The following SHF variants were observed in gnomAD, a reference collection of about 807,000 sequenced individuals.
The protein encoded by SHF is SH2 domain-containing adapter protein F.
SHF carries 30 observed loss-of-function variants against 42.4 expected under a neutral mutation model. The observed-to-expected ratio is 0.71, with a 90% CI of 0.53 to 0.96. SHF has a LOEUF of 0.96. Ranked by LOEUF, SHF falls within the 40% of genes least tolerant of loss-of-function variation. The probability of loss-of-function intolerance (pLI) is 0.00; values close to 1 mark genes in which losing one functional copy is unlikely to be tolerated. For synonymous variants in SHF, 264 were observed against 269.9 expected (o/e 0.98, Z 0.21); for missense variants, 598 against 634.0 (o/e 0.94, Z 0.61).
Position 45,187,559 on chromosome 15 carries a change from C to G in SHF, c.393G>C (p.Pro131=). 8.1e-7 allele frequency: 1 copy of G among 1,227,940 alleles called. No individual in the cohort carries two copies. Among genetic ancestry groups the G allele is most frequent in the Non-Finnish European group, 1.0e-6 (1 of 984,654 alleles). The allele number at this position is 1,227,940 out of a possible 1,614,324, so 76.1% of individuals were successfully genotyped here. A position where few individuals can be genotyped will look rare whatever the true frequency, so the allele number is the denominator to read the frequency against. ...GGCGGTGTGGGGGAGAGCCGTGGCG[C>G]GGGGGCGGCGTGGGTCCGGGGGCGA... ...TPVAPGPTPP[P]RHGSPPHRLI... Residue 131 remains proline (P), a synonymous_variant, in exon 1 of 7, where the codon CCG becomes CCC. Coordinates refer to ENST00000690270, the MANE Select transcript of SHF (RefSeq NM_001394037.1).
intron 2 of SHF, among the ~76,000 whole-genome samples, chr15:45,175,649 T>TA (rs909632019): frequency 6.6e-6 from 1 of 151,894 alleles, no homozygotes; most frequent in African/African-American, 2.4e-5. Flanking sequence ...GGCACTAGAG[T>TA]AAAAGACAGG....
chr15:45,168,259 TG>T (rs1897313654), intron 6 of SHF, 126 bp from the exon 7 acceptor site: 2 of 920,048 alleles, frequency 2.2e-6, no homozygotes, highest in Admixed American at 3.0e-5. Context: ...GAATGACAGG[TG>T]ATTAGGGGAG....
At chr15:45,173,441 C>T in intron 4 of SHF, 135 bp downstream of exon 4, 1 of 1,338,212 alleles carries the variant, frequency 7.5e-7, no homozygotes, top group Non-Finnish European at 9.7e-7. Flanking sequence ...TGCATTTTGT[C>T]TCTTCCTTCT....
chr15:45,178,878 T>C (rs893648289), intron 1 of SHF, among the ~76,000 whole-genome samples: 2 of 152,204 alleles, frequency 1.3e-5, no homozygotes, highest in African/African-American at 4.8e-5. Flanking sequence ...CTAGGCCATC[T>C]CCTAGGCTAA....
chr15:45,177,689 C>T lies in SHF; in HGVS notation c.640+476G>A, dbSNP rs111672251. ...ATCTCCCCTATTTGATCTCTTTCCC[C>T]TGGACTGTCTCTCAGCCTCTGTTCC... On this transcript the variant is annotated intron_variant, in intron 2 of 6. Transcript: ENST00000690270. Among the ~76,000 whole-genome samples, 638 of 152,298 alleles carry T rather than the reference C, an allele frequency of 4.2e-3. 2 individuals carry two copies. Among genetic ancestry groups the T allele is most frequent in the African/African-American group, 0.015 (609 of 41,554 alleles).
At chr15:45,189,305 G>C (rs1343076179), upstream of SHF, among the ~76,000 whole-genome samples, 1 of 151,572 alleles carries the variant, frequency 6.6e-6, no homozygotes, top group African/African-American at 2.4e-5. Flanking sequence ...GGCTCTGCTG[G>C]GAAAGCAGCT....
rs760000872 is a variant in SHF at position 45,171,892 on chromosome 15, A to T, written c.1271T>A (p.Leu424His). The T allele has an allele frequency of 6.2e-7, 1 of 1,612,898 alleles. No homozygotes were observed. The highest frequency in any genetic ancestry group is 8.5e-7 in the Non-Finnish European group (1 of 1,179,606). The change falls in exon 6 of 7, where the codon CTC becomes CAC. Residue 424 changes from leucine (L) to histidine (H), a missense_variant. Around this residue, in one of 2 missense-constraint regions of SHF, gnomAD observed 439 missense variants for 524.6 expected, o/e 0.84. Coordinates refer to ENST00000690270, the MANE Select transcript of SHF (RefSeq NM_001394037.1). ...AACTGTCCCCACTCACTTGAGGGAG[A>T]GGGAGAAGTCATTCTTGCTGGTCTC... ...NSETSKNDFS[L>H]SLKSSQGFMH... is the part of the protein sequence containing the mutation.
intron 1 of SHF, among the ~76,000 whole-genome samples, chr15:45,179,566 C>T (rs1336767644): frequency 2.6e-5 from 4 of 152,242 alleles, no homozygotes; most frequent in African/African-American, 9.6e-5. Flanking sequence ...AAGAGGCACT[C>T]AAGGTGCTCA....
At chr15:45,198,149 C>T (rs1161577508) in intron 2 of SHF, among the ~76,000 whole-genome samples, 1 of 151,992 alleles carries the variant, frequency 6.6e-6, no homozygotes, top group Non-Finnish European at 1.5e-5. Flanking sequence ...TGGTGCACGC[C>T]TGTAGTACCA....
At chr15:45,185,506 C>G (rs1423299402) in intron 1 of SHF, among the ~76,000 whole-genome samples, 1 of 152,232 alleles carries the variant, frequency 6.6e-6, no homozygotes, top group African/African-American at 2.4e-5. Flanking sequence ...GATAGCATCC[C>G]TGCCCCGGGC....
In SHF at chr15:45,172,274, C is replaced by T; in HGVS notation, c.1033G>A (p.Glu345Lys). ...CGGGGAGGTAGCCGCCCCTTCTCCT[C>T]CCGGCCAGGTGACAGGCAGCTCTTC... Reference protein sequence around the residue: ...PEKSCLSPGREEKGRLPPRLS... With the variant: ...PEKSCLSPGRKEKGRLPPRLS... Residue 345 changes from glutamate (E) to lysine (K), a missense_variant, in exon 5 of 7, where the codon GAG becomes AAG. Transcript: ENST00000690270. 1 of 1,612,460 alleles carries T rather than the reference C, an allele frequency of 6.2e-7. No homozygotes were observed. Among genetic ancestry groups the T allele is most frequent in the Non-Finnish European group, 8.5e-7 (1 of 1,179,028 alleles).
exon 1 of SHF, chr15:45,200,899 T>C (rs1567044511): frequency 4.4e-6 from 2 of 455,698 alleles, no homozygotes; most frequent in East Asian, 1.4e-4. Context: ...CTTCACATCA[T>C]TGCAGGCCCG....
intron 2 of SHF, among the ~76,000 whole-genome samples, chr15:45,177,281 G>T (rs921835200): frequency 6.6e-6 from 1 of 152,178 alleles, no homozygotes; most frequent in East Asian, 1.9e-4. Context: ...CTTTTGCAGG[G>T]TTCCCCCACT....
chr15:45,172,026 G>A (rs765264498), intron 5 of SHF, 24 bp from the exon 6 acceptor site: 1 of 1,613,886 alleles, frequency 6.2e-7, no homozygotes, highest in South Asian at 1.1e-5. Flanking sequence ...AGAGGAAGGG[G>A]GGCATCTCTG....
At chr15:45,199,217 C>T (rs920349737) in intron 1 of SHF, 6 of 984,144 alleles carry the variant, frequency 6.1e-6, no homozygotes, top group African/African-American at 3.3e-5. Context: ...CCCCTGACAG[C>T]CCTGACTCCT....
intron 2 of SHF, chr15:45,198,697 G>C: frequency 2.6e-6 from 4 of 1,524,386 alleles, no homozygotes; most frequent in Non-Finnish European, 2.6e-6. Flanking sequence ...GGGACCCGTA[G>C]GGGTTGGCTT....
At chr15:45,184,355 C>G (rs1466216922) in intron 1 of SHF, among the ~76,000 whole-genome samples, 1 of 152,182 alleles carries the variant, frequency 6.6e-6, no homozygotes, top group Non-Finnish European at 1.5e-5. Context: ...TGAAGTACAT[C>G]TATTTTTTAA....
chr15:45,193,858 C>G (rs1459786541), intron 2 of SHF, among the ~76,000 whole-genome samples: 4 of 150,692 alleles, frequency 2.7e-5, no homozygotes, highest in Non-Finnish European at 5.9e-5. Context: ...CATTCCAAGT[C>G]AAGAGGTCAG....
upstream of SHF, among the ~76,000 whole-genome samples, chr15:45,192,358 ATTTTTTT>A (rs1193075020): frequency 7.7e-4 from 58 of 75,542 alleles, no homozygotes; most frequent in African/African-American, 3.5e-3. Context: ...CTGATTCCAG[ATTTTTTT>A]TTTTTTTTTT....
Sources: allele counts gnomAD v4.1 joint callset (sites outside exome capture counted in the v4.1 genomes callset), GRCh38; gene constraint gnomAD v4.1.1; regional missense constraint gnomAD v4.1.1; transcripts MANE v1.5; gene names NCBI Gene and HGNC (gene_info 2026-07-23, HGNC 2026-07-21).